ZNF420: variants seen among roughly 807,000 people sequenced by gnomAD.
ZNF420 encodes ATM and p53-associated KZNF protein.
Under a neutral mutation model 44.7 loss-of-function variants are expected in ZNF420, and 31 were observed. That is an observed-to-expected ratio of 0.69 (90% confidence interval 0.52 to 0.94). The LOEUF is 0.94. Among genes scored for constraint, ZNF420 ranks in the 40% least tolerant of loss-of-function variants. The pLI is 0.00. For missense variants in ZNF420, 681 were observed against 827.9 expected, an observed-to-expected ratio of 0.82 and a Z score of 2.18; for synonymous variants, 245 against 267.4, an observed-to-expected ratio of 0.92 and a Z score of 0.82.
intron 1 of ZNF420, among the ~76,000 whole-genome samples, chr19:37,020,464 C>A (rs1226538162): frequency 6.6e-6 from 1 of 152,158 alleles, no homozygotes; most frequent in Non-Finnish European, 1.5e-5. Context: ...CTTAAATATC[C>A]TTATTCTGTA....
intron 1 of ZNF420, among the ~76,000 whole-genome samples, chr19:37,034,408 G>A (rs1474055237): frequency 1.3e-5 from 2 of 152,062 alleles, no homozygotes; most frequent in Non-Finnish European, 2.9e-5. Context: ...TCTGGATATC[G>A]ATCACTTATC....
chr19:37,012,760 A>ATGTGTGTGTG lies in ZNF420; in HGVS notation c.-125+4681_-125+4682insGTGTGTGTGT, dbSNP rs780627236. ...GGGTGTGCTTCTGTGCCACTGCTAT[A>ATGTGTGTGTG]TGTCTCTGTGTGTGTGTGTGTGTGT... On this transcript the variant is annotated intron_variant, in intron 1 of 4. Transcript: ENST00000587029. Among the ~76,000 whole-genome samples the ATGTGTGTGTG allele has an allele frequency of 2.0e-3, 199 of 101,998 alleles. 2 individuals are homozygous for ATGTGTGTGTG. The highest frequency in any genetic ancestry group is 4.2e-3 in the Middle Eastern group (1 of 240). The allele number at this position is 101,998 out of a possible 152,430, so 66.9% of individuals were successfully genotyped here. A position where few individuals can be genotyped will look rare whatever the true frequency, so the allele number is the denominator to read the frequency against.
chr19:37,104,961 T>C (rs1969995379), intron 4 of ZNF420, among the ~76,000 whole-genome samples: 1 of 152,236 alleles, frequency 6.6e-6, no homozygotes, highest in Non-Finnish European at 1.5e-5. Flanking sequence ...CTGTTCACTC[T>C]GTTGGTAGTT....
intron 1 of ZNF420, among the ~76,000 whole-genome samples, chr19:37,051,025 A>T (rs1967630231): frequency 6.6e-6 from 1 of 152,190 alleles, no homozygotes; most frequent in African/African-American, 2.4e-5. Flanking sequence ...GATTACATTT[A>T]TTGATTTGCA....
intron 1 of ZNF420, among the ~76,000 whole-genome samples, chr19:37,079,769 C>G (rs1427403892): frequency 1.3e-5 from 2 of 152,070 alleles, no homozygotes; most frequent in Admixed American, 6.6e-5. Flanking sequence ...TCTGTAATCC[C>G]AGCGCTTTGG....
At chr19:37,069,351 T>G (rs900461813) in intron 1 of ZNF420, among the ~76,000 whole-genome samples, 1 of 152,138 alleles carries the variant, frequency 6.6e-6, no homozygotes, top group Non-Finnish European at 1.5e-5. Context: ...TATTTATGGT[T>G]AAAAGAAATC....
chr19:37,014,674 G>T (rs1180895284), intron 1 of ZNF420, among the ~76,000 whole-genome samples: 3 of 152,202 alleles, frequency 2.0e-5, no homozygotes, highest in East Asian at 3.9e-4. Flanking sequence ...ACGACAATGC[G>T]CATGCACCAA....
intron 1 of ZNF420, among the ~76,000 whole-genome samples, chr19:37,020,624 T>C (rs2074641523): frequency 6.6e-6 from 1 of 152,208 alleles, no homozygotes; most frequent in Admixed American, 6.5e-5. Context: ...TTATGCACAA[T>C]AGCTAAAGTA....
At chr19:37,031,789 A>G (rs924713553) in intron 1 of ZNF420, among the ~76,000 whole-genome samples, 2 of 151,946 alleles carry the variant, frequency 1.3e-5, no homozygotes, top group Non-Finnish European at 2.9e-5. Flanking sequence ...CTAAAGTCTG[A>G]TTTTGCCCGG....
upstream of ZNF420, among the ~76,000 whole-genome samples, chr19:37,076,540 C>T (rs1169217260): frequency 2.0e-5 from 3 of 152,118 alleles, no homozygotes; most frequent in Non-Finnish European, 4.4e-5. Context: ...CACTCCCTGA[C>T]AGGCCCCAGT....
chr19:37,095,887 C>G (rs1404701858), intron 4 of ZNF420: 1 of 152,238 alleles, frequency 6.6e-6, no homozygotes, highest in Non-Finnish European at 1.5e-5. Context: ...GTGTGAGCTA[C>G]CACCCCCGGC....
intron 1 of ZNF420, among the ~76,000 whole-genome samples, chr19:37,025,791 T>A (rs1319207529): frequency 8.3e-6 from 1 of 120,522 alleles, no homozygotes; most frequent in East Asian, 2.1e-4. Flanking sequence ...TTTTTTTTTT[T>A]TAAGAGACAA....
chr19:37,076,410 ACATGTGCACAAC>A (rs1968154382), upstream of ZNF420, among the ~76,000 whole-genome samples: 4 of 152,016 alleles, frequency 2.6e-5, no homozygotes, highest in Admixed American at 2.0e-4. Flanking sequence ...GTTCTAGGGT[ACATGTGCACAAC>A]GTGCAGGTTT....
Position 37,127,508 on chromosome 19 carries a change from G to C in ZNF420, c.517G>C (p.Gly173Arg), listed in dbSNP as rs766052912. Residue 173 changes from glycine to arginine, a missense_variant, in exon 5 of 5, where the codon GGG (glycine) becomes CGG (arginine). This residue lies in a region of ZNF420 where 350 missense variants were observed against 382.5 expected (regional missense o/e 0.92). Coordinates refer to ENST00000337995, the MANE Select transcript of ZNF420 (RefSeq NM_144689.5). The part of the protein sequence containing the change: ...GEKPYECKQC[G>R]KAFSRDSQLS... Reference sequence around the variant, plus strand: ...AAAACCCTATGAATGTAAGCAATGCGGGAAGGCCTTTAGTCGTGATTCACA... The same window carrying C: ...AAAACCCTATGAATGTAAGCAATGCCGGAAGGCCTTTAGTCGTGATTCACA... 6.2e-7 allele frequency: 1 copy of C among 1,613,680 alleles called. No individual in the cohort carries two copies. Among genetic ancestry groups the C allele is most frequent in the South Asian group, 1.1e-5 (1 of 91,048 alleles).
chr19:37,023,368 C>CT (rs1159040700), intron 1 of ZNF420, among the ~76,000 whole-genome samples: 5 of 151,352 alleles, frequency 3.3e-5, no homozygotes, highest in African/African-American at 9.7e-5. Context: ...TCTTTTCTTT[C>CT]TTTTTTTTTC....
rs139329768 is a variant in ZNF420 at position 37,043,079 on chromosome 19, A to G, written c.-125+34997A>G. Among the ~76,000 whole-genome samples, 483 of 152,332 alleles carry G rather than the reference A, an allele frequency of 3.2e-3. 4 individuals carry two copies. Among genetic ancestry groups the G allele is most frequent in the African/African-American group, 0.011 (461 of 41,566 alleles). On this transcript the variant is annotated intron_variant, in intron 1 of 4. Coordinates refer to the ZNF420 transcript ENST00000587029. ...CATGGCCTCCCAAAATAGTTACAAC[A>G]GTTACCTCAAAGACCACCTATCACA...
intron 4 of ZNF420, chr19:37,115,139 T>G (rs111864779): frequency 0.017 from 3,054 of 175,448 alleles, 85 homozygotes; most frequent in East Asian, 0.05. Flanking sequence ...CTTGTCCTCA[T>G]TGACCACGCT....
Position 37,091,022 on chromosome 19 carries a change from A to T in ZNF420, c.37A>T (p.Ile13Phe). The change falls in exon 4 of 5, where the codon ATT (isoleucine) becomes TTT (phenylalanine). Residue 13 changes from isoleucine to phenylalanine, a missense_variant. Physicochemically the swap from Ile to Phe is conservative, Grantham distance 21. Transcript: ENST00000337995. ...RKLVMFRDVAIDFSQEEWECL... is the reference protein window; with the variant it reads ...RKLVMFRDVAFDFSQEEWECL... Reference sequence around the variant, plus strand: ...ATTAGTGATGTTCAGGGATGTTGCCATTGACTTCTCTCAGGAAGAGTGGGA... The same window carrying T: ...ATTAGTGATGTTCAGGGATGTTGCCTTTGACTTCTCTCAGGAAGAGTGGGA... 6.2e-7 allele frequency: 1 copy of T among 1,613,442 alleles called. No individual in the cohort carries two copies. The highest frequency in any genetic ancestry group is 8.5e-7 in the Non-Finnish European group (1 of 1,179,806).
intron 4 of ZNF420, among the ~76,000 whole-genome samples, chr19:37,111,995 C>T (rs996912161): frequency 2.0e-5 from 3 of 151,842 alleles, no homozygotes; most frequent in African/African-American, 7.3e-5. Context: ...AATTCCAAGG[C>T]GAGAATGAAG....
Sources: allele counts gnomAD v4.1 joint callset (sites outside exome capture counted in the v4.1 genomes callset), GRCh38; gene constraint gnomAD v4.1.1; regional missense constraint gnomAD v4.1.1; transcripts MANE v1.5; gene names NCBI Gene and HGNC (gene_info 2026-07-23, HGNC 2026-07-21).